FHIT: variants seen among roughly 807,000 people sequenced by gnomAD.
FHIT encodes the protein bis(5'-adenosyl)-triphosphatase.
FHIT carries 19 observed loss-of-function variants against 17.9 expected under a neutral mutation model. The observed-to-expected ratio is 1.06, with a 90% CI of 0.74 to 1.56. The LOEUF (loss-of-function observed/expected upper bound fraction) is 1.56. Among genes scored for constraint, FHIT ranks in the 40% most tolerant of loss-of-function variants. The pLI is 0.00. For synonymous variants in FHIT, 81 were observed against 69.7 expected, an observed-to-expected ratio of 1.16 and a Z score of -0.81; for missense variants, 248 against 189.2, an observed-to-expected ratio of 1.31 and a Z score of -1.82.
intron 4 of FHIT, chr3:60,596,118 C>T (rs559509299): frequency 5.8e-4 from 214 of 366,268 alleles, no homozygotes; most frequent in African/African-American, 1.5e-3. Flanking sequence ...AGTATACTTA[C>T]CCATTATGAA....
At chr3:59,988,155 C>G (rs1709069145) in intron 7 of FHIT, among the ~76,000 whole-genome samples, 1 of 152,094 alleles carries the variant, frequency 6.6e-6, no homozygotes, top group South Asian at 2.1e-4. Context: ...GAGAAATTCT[C>G]AGGCAGCCTC....
At chr3:60,499,482 C>A (rs1318243628) in intron 5 of FHIT, among the ~76,000 whole-genome samples, 3 of 152,004 alleles carry the variant, frequency 2.0e-5, no homozygotes, top group Non-Finnish European at 4.4e-5. Context: ...AGCTCCTCCT[C>A]CCGGGTTCAC....
At chr3:59,784,004 G>A (rs750183039) in intron 8 of FHIT, among the ~76,000 whole-genome samples, 3 of 152,156 alleles carry the variant, frequency 2.0e-5, no homozygotes, top group Non-Finnish European at 4.4e-5. Context: ...AGTGGGGACC[G>A]AGTTGAAAGA....
chr3:60,060,030 C>T (rs1702236993), intron 5 of FHIT, among the ~76,000 whole-genome samples: 1 of 151,970 alleles, frequency 6.6e-6, no homozygotes, highest in Non-Finnish European at 1.5e-5. Context: ...AAACAACATA[C>T]CCAGATACAT....
intron 4 of FHIT, among the ~76,000 whole-genome samples, chr3:60,724,660 GT>G (rs543830464): frequency 1.1e-3 from 91 of 85,528 alleles, no homozygotes; most frequent in South Asian, 9.7e-3. Flanking sequence ...TTTTTTTTTT[GT>G]TTTTTTTTTT....
chr3:60,980,100 G>GAC (rs1710431704), intron 3 of FHIT, among the ~76,000 whole-genome samples: 2 of 152,268 alleles, frequency 1.3e-5, no homozygotes, highest in East Asian at 3.9e-4. Context: ...TGCACTGAGC[G>GAC]TCTTCCTTAT....
intron 3 of FHIT, among the ~76,000 whole-genome samples, chr3:60,848,845 C>T (rs1443253761): frequency 2.6e-5 from 4 of 152,094 alleles, no homozygotes; most frequent in African/African-American, 9.7e-5. Context: ...ATCAAGCTGA[C>T]CTTAAGTAGA....
At chr3:60,461,976 T>C (rs2032501382) in intron 5 of FHIT, among the ~76,000 whole-genome samples, 1 of 152,168 alleles carries the variant, frequency 6.6e-6, no homozygotes, top group Non-Finnish European at 1.5e-5. Context: ...GTAAATCCTA[T>C]GACAGACTAC....
chr3:61,123,378 C>G (rs958484980), intron 2 of FHIT, among the ~76,000 whole-genome samples: 20 of 152,134 alleles, frequency 1.3e-4, no homozygotes, highest in African/African-American at 4.6e-4. Context: ...GTAAGGATAG[C>G]ATTAGGAGAA....
At chr3:60,631,537 C>A (rs2039443112) in intron 4 of FHIT, among the ~76,000 whole-genome samples, 1 of 152,092 alleles carries the variant, frequency 6.6e-6, no homozygotes, top group Non-Finnish European at 1.5e-5. Context: ...AGGGGCCCAT[C>A]CCCTAGAACA....
intron 5 of FHIT, among the ~76,000 whole-genome samples, chr3:60,345,861 T>C (rs1221177325): frequency 2.0e-5 from 3 of 152,148 alleles, no homozygotes; most frequent in Non-Finnish European, 2.9e-5. Context: ...TACTAACATA[T>C]TTGTATATAC....
chr3:60,625,916 T>A (rs145220173), intron 4 of FHIT, among the ~76,000 whole-genome samples: 1 of 152,246 alleles, frequency 6.6e-6, no homozygotes, highest in African/African-American at 2.4e-5. Context: ...ATAATCTTTG[T>A]ATATGGGGTC....
chr3:61,084,782 C>A (rs1223972311), intron 2 of FHIT, among the ~76,000 whole-genome samples: 4 of 152,098 alleles, frequency 2.6e-5, no homozygotes, highest in African/African-American at 9.7e-5. Flanking sequence ...TAGAACACTT[C>A]TATCAATCCA....
chr3:60,596,572 T>G (rs1245963148), intron 4 of FHIT, among the ~76,000 whole-genome samples: 1 of 152,180 alleles, frequency 6.6e-6, no homozygotes, highest in Non-Finnish European at 1.5e-5. Context: ...TTCTTGGTGT[T>G]TGAATCACTC....
At chr3:60,890,116 G>A (rs1454687965) in intron 3 of FHIT, among the ~76,000 whole-genome samples, 2 of 151,144 alleles carry the variant, frequency 1.3e-5, no homozygotes, top group South Asian at 4.2e-4. Context: ...GACTTGCTAT[G>A]GCCCATTGAG....
chr3:60,584,874 T>A (rs2037857361), intron 4 of FHIT, among the ~76,000 whole-genome samples: 1 of 152,066 alleles, frequency 6.6e-6, no homozygotes, highest in African/African-American at 2.4e-5. Context: ...ATTATTTGTT[T>A]TTAAGCAAGA....
chr3:61,183,017 T>C (rs1448751647), intron 2 of FHIT, among the ~76,000 whole-genome samples: 1 of 152,184 alleles, frequency 6.6e-6, no homozygotes, highest in African/African-American at 2.4e-5. Flanking sequence ...GCAAAACAAA[T>C]GCCAGTCCCT....
intron 4 of FHIT, among the ~76,000 whole-genome samples, chr3:60,650,438 G>A (rs564746041): frequency 1.3e-5 from 2 of 152,226 alleles, no homozygotes; most frequent in African/African-American, 4.8e-5. Context: ...GGGTCTGGTA[G>A]TCAGTCCACT....
chr3:60,058,911 T>C (rs1702193292), intron 5 of FHIT, among the ~76,000 whole-genome samples: 1 of 152,150 alleles, frequency 6.6e-6, no homozygotes, highest in African/African-American at 2.4e-5. Context: ...GGCAAAAGCT[T>C]GGGCAGAGAG....
Sources: allele counts gnomAD v4.1 joint callset (sites outside exome capture counted in the v4.1 genomes callset), GRCh38; gene constraint gnomAD v4.1.1; transcripts MANE v1.5; gene names NCBI Gene and HGNC (gene_info 2026-07-23, HGNC 2026-07-21).